Variants in LRP2 observed in about 807,000 individuals in gnomAD.
LRP2 encodes LDL receptor related protein 2.
In LRP2, 172 loss-of-function variants were observed where a neutral mutation model predicts 531.0. The observed-to-expected ratio is 0.32, with a 90% confidence interval of 0.29 to 0.37. The LOEUF is 0.37. LRP2 is among the 10% of genes least tolerant of loss of function. The probability of loss-of-function intolerance (pLI) is 1.00; values close to 1 mark genes in which losing one functional copy is unlikely to be tolerated. For synonymous variants in LRP2, 1,992 were observed against 2,027.6 expected, an observed-to-expected ratio of 0.98 and a Z score of 0.47; for missense variants, 5,167 against 5,868.3, an observed-to-expected ratio of 0.88 and a Z score of 3.90.
At chr2:169,269,413 C>T (rs1307828854) in intron 16 of LRP2, among the ~76,000 whole-genome samples, 2 of 152,096 alleles carry the variant, frequency 1.3e-5, no homozygotes, top group Non-Finnish European at 2.9e-5. Context: ...GAGATATAGA[C>T]CAATGGAACA....
intron 1 of LRP2, among the ~76,000 whole-genome samples, chr2:169,338,363 A>AGAAAGAAG (rs1685468440): frequency 7.4e-5 from 7 of 95,096 alleles, no homozygotes; most frequent in Admixed American, 2.3e-4. Context: ...AAAGAAGGAA[A>AGAAAGAAG]GAAAGAAAGA....
chr2:169,147,280 T>G (rs1685951658), intron 68 of LRP2, among the ~76,000 whole-genome samples: 1 of 152,232 alleles, frequency 6.6e-6, no homozygotes, highest in African/African-American at 2.4e-5. Context: ...AGGCCTACTG[T>G]GTAAGAGGCA....
At chr2:169,235,624 G>C (rs1477888224) in intron 29 of LRP2, among the ~76,000 whole-genome samples, 1 of 152,122 alleles carries the variant, frequency 6.6e-6, no homozygotes, top group Non-Finnish European at 1.5e-5. Flanking sequence ...AATCCTTCCT[G>C]GATATGGCAC....
At chr2:169,320,037 T>C (rs1473102876) in intron 2 of LRP2, among the ~76,000 whole-genome samples, 1 of 152,198 alleles carries the variant, frequency 6.6e-6, no homozygotes, top group Middle Eastern at 3.2e-3. Flanking sequence ...TGAAGGAAAT[T>C]GCAGATGTAT....
intron 4 of LRP2, among the ~76,000 whole-genome samples, chr2:169,301,774 T>G (rs1304836933): frequency 6.6e-6 from 1 of 152,086 alleles, no homozygotes; most frequent in African/African-American, 2.4e-5. Context: ...CTTTGTTCTG[T>G]AAAGGAATGC....
chr2:169,297,968 G>C (rs1355902936), intron 4 of LRP2, among the ~76,000 whole-genome samples: 1 of 134,962 alleles, frequency 7.4e-6, no homozygotes, highest in South Asian at 2.2e-4. Flanking sequence ...AGCCAAGATT[G>C]GGAAACACAC....
chr2:169,149,696 G>T (rs1324651210), intron 68 of LRP2, among the ~76,000 whole-genome samples: 1 of 152,036 alleles, frequency 6.6e-6, no homozygotes, highest in Non-Finnish European at 1.5e-5. Context: ...AATTAGCCCA[G>T]TGTGGTGGTG....
At chr2:169,179,095 C>T (rs1384570290) in intron 52 of LRP2, among the ~76,000 whole-genome samples, 1 of 151,972 alleles carries the variant, frequency 6.6e-6, no homozygotes, top group Admixed American at 6.6e-5. Flanking sequence ...CTGCAACCTC[C>T]TCCTCCTGGG....
chr2:169,254,890 T>C (rs911779252), intron 19 of LRP2, among the ~76,000 whole-genome samples: 3 of 151,848 alleles, frequency 2.0e-5, no homozygotes, highest in Non-Finnish European at 2.9e-5. Context: ...AGGGAGTAAA[T>C]GGATGGCAGC....
intron 3 of LRP2, among the ~76,000 whole-genome samples, chr2:169,314,572 T>C (rs999316687): frequency 6.6e-6 from 1 of 152,248 alleles, no homozygotes; most frequent in Non-Finnish European, 1.5e-5. Flanking sequence ...TAATTGATTA[T>C]ATCTTCCTTG....
intron 16 of LRP2, among the ~76,000 whole-genome samples, chr2:169,265,071 A>G (rs578036993): frequency 9.9e-5 from 15 of 151,856 alleles, no homozygotes; most frequent in Admixed American, 9.8e-4. Context: ...GAATGAAGGC[A>G]TCTATGAAGG....
At chr2:169,260,260 G>A (rs564163440) in intron 16 of LRP2, among the ~76,000 whole-genome samples, 91 of 152,266 alleles carry the variant, frequency 6.0e-4, no homozygotes, top group Non-Finnish European at 8.4e-4. Flanking sequence ...TGCTGAGATG[G>A]AGAGATGCAT....
At chr2:169,357,102 C>T (rs1348631719) in intron 1 of LRP2, among the ~76,000 whole-genome samples, 3 of 151,898 alleles carry the variant, frequency 2.0e-5, no homozygotes, top group African/African-American at 7.3e-5. Flanking sequence ...TACGATAGAA[C>T]CATTTGATTT....
intron 1 of LRP2, among the ~76,000 whole-genome samples, chr2:169,359,628 G>A (rs1364914285): frequency 6.6e-6 from 1 of 152,166 alleles, no homozygotes; most frequent in East Asian, 1.9e-4. Flanking sequence ...CAGAGGAAAT[G>A]CGTCTTAAAA....
At chr2:169,209,427 T>A in intron 38 of LRP2, 26 bp downstream of exon 38, 1 of 1,608,550 alleles carries the variant, frequency 6.2e-7, no homozygotes, top group African/African-American at 1.3e-5. Flanking sequence ...TGCAAACATA[T>A]TAAAATCACC....
At chr2:169,279,071 T>C (rs1021889709) in intron 12 of LRP2, among the ~76,000 whole-genome samples, 2 of 152,138 alleles carry the variant, frequency 1.3e-5, no homozygotes, top group Non-Finnish European at 2.9e-5. Context: ...GAACACAAAA[T>C]CCAATCTCTT....
At chr2:169,281,053 G>A (rs1187860265) in intron 10 of LRP2, among the ~76,000 whole-genome samples, 1 of 152,170 alleles carries the variant, frequency 6.6e-6, no homozygotes, top group Non-Finnish European at 1.5e-5. Context: ...GATAAGGAAT[G>A]ATATAAAAAT....
At chr2:169,147,068 C>G in intron 68 of LRP2, 109 bp from the exon 69 acceptor site, 1 of 869,726 alleles carries the variant, frequency 1.1e-6, no homozygotes, top group Non-Finnish European at 1.9e-6. Context: ...TCTCAGGGAC[C>G]TGGGTGCTCA....
At chr2:169,156,671 G>T (rs181284649) in intron 64 of LRP2, among the ~76,000 whole-genome samples, 86 of 152,320 alleles carry the variant, frequency 5.6e-4, no homozygotes, top group Admixed American at 9.8e-4. Context: ...AAGCAATGGA[G>T]ACAGGATTTA....
Sources: gnomAD v4.1 joint callset for allele counts (sites outside exome capture counted in the v4.1 genomes callset) on GRCh38, gnomAD v4.1.1 for gene constraint, MANE v1.5 for transcripts, NCBI Gene and HGNC (gene_info 2026-07-23, HGNC 2026-07-21) for gene names.